DHCR24: variants seen among roughly 807,000 people sequenced by gnomAD.
DHCR24 encodes the protein 24-dehydrocholesterol reductase.
In DHCR24, 28 loss-of-function variants were observed where a neutral mutation model predicts 61.2. That is an observed-to-expected ratio of 0.46 (90% CI 0.34 to 0.63). The LOEUF is 0.63. Ranked by LOEUF, DHCR24 falls within the 20% of genes least tolerant of loss-of-function variation. DHCR24 has a pLI of 0.01. For missense variants in DHCR24, 538 were observed against 679.1 expected, an observed-to-expected ratio of 0.79 and a Z score of 2.31; for synonymous variants, 261 against 275.9, an observed-to-expected ratio of 0.95 and a Z score of 0.54.
At chr1:54,874,617 T>A (rs2101572184) in intron 4 of DHCR24, among the ~76,000 whole-genome samples, 1 of 152,306 alleles carries the variant, frequency 6.6e-6, no homozygotes, top group East Asian at 1.9e-4. Context: ...TACTGTTCTG[T>A]GACACATGAC....
chr1:54,859,551 G>C (rs1257452203), intron 6 of DHCR24, among the ~76,000 whole-genome samples: 1 of 151,790 alleles, frequency 6.6e-6, no homozygotes, highest in African/African-American at 2.4e-5. Context: ...TTGGCTCACT[G>C]CAACCTCCAC....
chr1:54,873,704 C>T (rs1647011849), intron 4 of DHCR24, among the ~76,000 whole-genome samples: 1 of 152,204 alleles, frequency 6.6e-6, no homozygotes, highest in South Asian at 2.1e-4. Flanking sequence ...GGCTAGAGTG[C>T]AGTGGCGTAA....
intron 5 of DHCR24, 87 bp from the exon 6 acceptor site, chr1:54,865,533 G>A: frequency 6.4e-7 from 1 of 1,561,314 alleles, no homozygotes; most frequent in Non-Finnish European, 8.8e-7. Context: ...CTTCTGTTCA[G>A]CACTCCTGGC....
At chr1:54,876,335 A>G (rs917657987) in intron 2 of DHCR24, among the ~76,000 whole-genome samples, 1 of 152,222 alleles carries the variant, frequency 6.6e-6, no homozygotes, top group African/African-American at 2.4e-5. Flanking sequence ...TAGAAGATAC[A>G]GCAAAAGTGA....
chr1:54,859,494 G>A (rs1353875903), intron 6 of DHCR24, among the ~76,000 whole-genome samples: 1 of 147,768 alleles, frequency 6.8e-6, no homozygotes, highest in African/African-American at 2.5e-5. Context: ...TCTTATTTTT[G>A]AGACAGAGTC....
intron 1 of DHCR24, among the ~76,000 whole-genome samples, chr1:54,885,103 C>G (rs1216611398): frequency 6.6e-6 from 1 of 152,174 alleles, no homozygotes; most frequent in Non-Finnish European, 1.5e-5. Flanking sequence ...CTGGTCAGGT[C>G]TCCTGGAGAA....
In DHCR24 at chr1:54,876,002, G is replaced by C. The variant is rs1239229477; in HGVS notation, c.433C>G (p.Leu145Val). 1 of 1,614,002 alleles carries C rather than the reference G, an allele frequency of 6.2e-7. No homozygotes were observed. Among genetic ancestry groups the C allele is most frequent in the South Asian group, 1.1e-5 (1 of 91,074 alleles). Residue 145 changes from leucine to valine, a missense_variant, in exon 3 of 9, where the codon CTG (leucine) becomes GTG (valine). Physicochemically the swap from Leu to Val is conservative, Grantham distance 32 (BLOSUM62 1). Transcript: ENST00000371269. ...AGAGTCCAGCCAATGGAGGTCAGCAGGGCAGTCACCTGGCCCATGGTCACC... is the reference window on the plus strand; with the variant it reads ...AGAGTCCAGCCAATGGAGGTCAGCACGGCAGTCACCTGGCCCATGGTCACC... The part of the protein sequence containing the change: ...PLVTMGQVTA[L>V]LTSIGWTLPV...
At chr1:54,879,352 A>AAAAAAAAAAAAAAAAAAAAAAAAAAAAG (rs573285056) in intron 2 of DHCR24, among the ~76,000 whole-genome samples, 7 of 128,230 alleles carry the variant, frequency 5.5e-5, no homozygotes, top group Admixed American at 8.4e-5. Flanking sequence ...AAAAAAAAAA[A>AAAAAAAAAAAAAAAAAAAAAAAAAAAAG]TCCAAATCAA....
rs768244621 is a variant in DHCR24 at position 54,851,096 on chromosome 1, C to A, written c.*1137G>T. On this transcript the variant is annotated 3_prime_UTR_variant, in exon 9 of 9. Transcript: ENST00000371269. ...TAGGGAGGTTCCCTTCCCTCTGGAA[C>A]GGAAATGGAACTTTCTCTGAGCTTA... 3 of 152,462 alleles carry A rather than the reference C, an allele frequency of 2.0e-5. No homozygotes were observed. The highest frequency in any genetic ancestry group is 4.4e-5 in the Non-Finnish European group (3 of 68,020). 9.4% of individuals were successfully genotyped at this position (152,462 alleles called of 1,614,324 possible).
At chr1:54,872,817 C>G (rs144547219) in intron 4 of DHCR24, among the ~76,000 whole-genome samples, 19 of 152,334 alleles carry the variant, frequency 1.2e-4, no homozygotes, top group Non-Finnish European at 2.5e-4. Flanking sequence ...TTCAGGAAAG[C>G]AGGATGAATT....
intron 5 of DHCR24, 122 bp downstream of exon 5, chr1:54,871,228 G>C (rs529514111): frequency 8.4e-7 from 1 of 1,184,898 alleles, no homozygotes; most frequent in East Asian, 2.5e-5. Flanking sequence ...ACCCCAGGTG[G>C]GTTGACCCAG....
chr1:54,870,656 C>T (rs1646993605), intron 5 of DHCR24, among the ~76,000 whole-genome samples: 1 of 152,122 alleles, frequency 6.6e-6, no homozygotes, highest in African/African-American at 2.4e-5. Context: ...CAGATGAAAC[C>T]ATCCGTTTTT....
In DHCR24 at chr1:54,849,969, C is replaced by T. The variant is rs1646865818; in HGVS notation, c.*2264G>A. 6.6e-6 allele frequency: 1 copy of T among 152,484 alleles called. No homozygotes were observed. The highest frequency in any genetic ancestry group is 1.5e-5 in the Non-Finnish European group (1 of 68,058). 9.4% of individuals were successfully genotyped at this position (152,484 alleles called of 1,614,324 possible). On this transcript the variant is annotated 3_prime_UTR_variant, in exon 9 of 9. Transcript: ENST00000371269. ...TCTGATACTTTCCACATGCACTGCCCACTGGCATCAAGTTTAACTCCATCC... is the reference window on the plus strand; with the variant it reads ...TCTGATACTTTCCACATGCACTGCCTACTGGCATCAAGTTTAACTCCATCC...
At chr1:54,859,554 A>G (rs12738258) in intron 6 of DHCR24, among the ~76,000 whole-genome samples, 1 of 151,460 alleles carries the variant, frequency 6.6e-6, no homozygotes, top group African/African-American at 2.4e-5. Context: ...GCTCACTGCA[A>G]CCTCCACTTC....
chr1:54,853,394 T>G (rs1242293629), intron 8 of DHCR24, 40 bp downstream of exon 8: 1 of 1,613,316 alleles, frequency 6.2e-7, no homozygotes, highest in Non-Finnish European at 8.5e-7. Context: ...ACCCTGGGGC[T>G]GTCAGCTAGA....
chr1:54,867,408 A>G (rs938023389), intron 5 of DHCR24, among the ~76,000 whole-genome samples: 3 of 152,158 alleles, frequency 2.0e-5, no homozygotes, highest in African/African-American at 7.2e-5. Flanking sequence ...TCCCTCAGGT[A>G]TCAGGGTCTT....
chr1:54,855,879 C>G (rs1646904993), intron 6 of DHCR24, among the ~76,000 whole-genome samples: 1 of 152,186 alleles, frequency 6.6e-6, no homozygotes, highest in African/African-American at 2.4e-5. Flanking sequence ...CCTCCCTGCG[C>G]ATTCCTGACC....
chr1:54,859,889 C>T (rs1344916056), intron 6 of DHCR24, among the ~76,000 whole-genome samples: 1 of 152,214 alleles, frequency 6.6e-6, no homozygotes, highest in African/African-American at 2.4e-5. Flanking sequence ...TTTCTCTTAA[C>T]AAAACCACAC....
rs761162798 is a variant in DHCR24 at position 54,851,914 on chromosome 1, G to GC, written c.*318dup. On this transcript the variant is annotated 3_prime_UTR_variant, in exon 9 of 9. Coordinates refer to ENST00000371269, the MANE Select transcript of DHCR24 (RefSeq NM_014762.4). The stretch of plus-strand genomic sequence containing the variant: ...TGCTCAACTCAGATGACAACAACCT[G>GC]CAAGTAGGTATTACTATCCCTTTCA... 7.9e-5 allele frequency: 31 copies of GC among 394,740 alleles called. No homozygotes were observed. Among genetic ancestry groups the GC allele is most frequent in the Non-Finnish European group, 1.5e-4 (31 of 210,152 alleles). 24.5% of individuals were successfully genotyped at this position (394,740 alleles called of 1,614,324 possible).
Sources: gnomAD v4.1 joint callset for allele counts (sites outside exome capture counted in the v4.1 genomes callset) on GRCh38, gnomAD v4.1.1 for gene constraint, MANE v1.5 for transcripts, NCBI Gene and HGNC (gene_info 2026-07-23, HGNC 2026-07-21) for gene names.